NR3C2: variants seen among roughly 807,000 people sequenced by gnomAD.
NR3C2 encodes the protein nuclear receptor subfamily 3 group C member 2.
A neutral mutation model predicts 86.4 loss-of-function variants in NR3C2; 15 were observed. The observed-to-expected ratio is 0.17, with a 90% CI of 0.12 to 0.27. The LOEUF is 0.27. NR3C2 is among the 10% of genes least tolerant of loss of function. The pLI, the probability that NR3C2 is intolerant of heterozygous loss-of-function variation, is 1.00. For synonymous variants in NR3C2, 458 were observed against 450.5 expected, an observed-to-expected ratio of 1.02 and a Z score of -0.21; for missense variants, 960 against 1,195.6, an observed-to-expected ratio of 0.80 and a Z score of 2.91.
At chr4:148,424,710 GAA>G (rs199511090) in intron 2 of NR3C2, among the ~76,000 whole-genome samples, 44 of 139,466 alleles carry the variant, frequency 3.2e-4, no homozygotes, top group Non-Finnish European at 6.3e-4. Context: ...AGACAACATA[GAA>G]AAAAAAAAAA....
At chr4:148,212,281 G>T (rs190353988) in intron 3 of NR3C2, among the ~76,000 whole-genome samples, 1 of 152,346 alleles carries the variant, frequency 6.6e-6, no homozygotes, top group East Asian at 1.9e-4. Flanking sequence ...GTTGATATTT[G>T]CATGTCATTT....
chr4:148,097,741 G>GTTTTTTTT (rs1180902227), intron 8 of NR3C2, among the ~76,000 whole-genome samples: 9 of 107,500 alleles, frequency 8.4e-5, no homozygotes, highest in South Asian at 2.9e-4. Flanking sequence ...ACTTTTTTGC[G>GTTTTTTTT]TTTTTTTTTG....
At chr4:148,382,882 T>C (rs534971284) in intron 2 of NR3C2, among the ~76,000 whole-genome samples, 180 of 152,248 alleles carry the variant, frequency 1.2e-3, no homozygotes, top group African/African-American at 2.0e-3. Flanking sequence ...AATAAAGCAG[T>C]AGAATGGTAC....
intron 2 of NR3C2, among the ~76,000 whole-genome samples, chr4:148,277,637 G>A (rs56004737): frequency 6.6e-6 from 1 of 152,170 alleles, no homozygotes; most frequent in Non-Finnish European, 1.5e-5. Flanking sequence ...ACAAAAAATA[G>A]TATTAAATAA....
intron 3 of NR3C2, among the ~76,000 whole-genome samples, chr4:148,221,491 C>T (rs920318023): frequency 2.0e-5 from 3 of 152,288 alleles, no homozygotes; most frequent in African/African-American, 7.2e-5. Flanking sequence ...AATTGATGTA[C>T]GTTTATCTTC....
chr4:148,154,367 G>A (rs75013118), intron 5 of NR3C2, among the ~76,000 whole-genome samples, 184 bp downstream of exon 5: 3,739 of 152,192 alleles, frequency 0.025, 145 homozygotes, highest in African/African-American at 0.083. Context: ...CTGCATTCTC[G>A]GAAGAAATGA....
chr4:148,387,011 C>T (rs1483753576), intron 2 of NR3C2, among the ~76,000 whole-genome samples: 1 of 152,162 alleles, frequency 6.6e-6, no homozygotes, highest in African/African-American at 2.4e-5. Flanking sequence ...TGCAGAGCAA[C>T]ATTTCTCAGC....
chr4:148,439,545 G>A (rs1403949174), intron 1 of NR3C2, among the ~76,000 whole-genome samples: 1 of 152,126 alleles, frequency 6.6e-6, no homozygotes, highest in African/African-American at 2.4e-5. Flanking sequence ...ATAGTCAAGA[G>A]GGCTCTCTGT....
intron 2 of NR3C2, among the ~76,000 whole-genome samples, chr4:148,404,963 C>T (rs760630000): frequency 1.3e-5 from 2 of 152,120 alleles, no homozygotes; most frequent in Non-Finnish European, 1.5e-5. Context: ...TGGTTCCAAA[C>T]TCATGTATTA....
intron 2 of NR3C2, among the ~76,000 whole-genome samples, chr4:148,268,357 G>A (rs1272982419): frequency 2.0e-5 from 3 of 152,084 alleles, no homozygotes; most frequent in Non-Finnish European, 2.9e-5. Flanking sequence ...GCTGACAAAT[G>A]AATCATTTAT....
intron 2 of NR3C2, among the ~76,000 whole-genome samples, chr4:148,297,606 A>C (rs1461542641): frequency 6.6e-6 from 1 of 152,082 alleles, no homozygotes; most frequent in South Asian, 2.1e-4. Context: ...CTAAAACTAC[A>C]AAAGTAGACA....
At chr4:148,398,978 T>C (rs1487365171) in intron 2 of NR3C2, among the ~76,000 whole-genome samples, 1 of 152,222 alleles carries the variant, frequency 6.6e-6, no homozygotes, top group East Asian at 1.9e-4. Flanking sequence ...AAAGCAGTCA[T>C]AAAAACACTG....
At chr4:148,338,705 G>A (rs1462482800) in intron 2 of NR3C2, among the ~76,000 whole-genome samples, 1 of 152,126 alleles carries the variant, frequency 6.6e-6, no homozygotes, top group Non-Finnish European at 1.5e-5. Flanking sequence ...AGCCCCAAGA[G>A]GGTATCTTCT....
In NR3C2 at chr4:148,080,048, C is replaced by T. The variant is rs1730472189; in HGVS notation, c.*1296G>A. 1 of 152,216 alleles carries T rather than the reference C, an allele frequency of 6.6e-6. No homozygotes were observed. The highest frequency in any genetic ancestry group is 2.4e-5 in the African/African-American group (1 of 41,456). 9.4% of individuals were successfully genotyped at this position (152,216 alleles called of 1,614,324 possible). A position where few individuals can be genotyped will look rare whatever the true frequency, so the allele number is the denominator to read the frequency against. ...CTCTGAGCCATCAAGTTCCCAGTCT[C>T]ACTCTCGTAGAGCTGGTTCTGCTTC... On this transcript the variant is annotated 3_prime_UTR_variant, in exon 9 of 9. Coordinates refer to ENST00000358102, the MANE Select transcript of NR3C2 (RefSeq NM_000901.5).
intron 8 of NR3C2, among the ~76,000 whole-genome samples, 183 bp downstream of exon 8, chr4:148,113,921 C>T (rs540615938): frequency 6.6e-6 from 1 of 152,268 alleles, no homozygotes; most frequent in African/African-American, 2.4e-5. Flanking sequence ...CCAATAAACC[C>T]TATGTCTCAT....
intron 2 of NR3C2, among the ~76,000 whole-genome samples, chr4:148,383,861 T>C (rs1220455344): frequency 3.3e-5 from 5 of 151,452 alleles, no homozygotes; most frequent in Non-Finnish European, 5.9e-5. Context: ...GGCAGGAGAA[T>C]TGCTTGAATC....
intron 4 of NR3C2, among the ~76,000 whole-genome samples, chr4:148,160,172 T>C (rs1004710883): frequency 6.6e-6 from 1 of 152,194 alleles, no homozygotes; most frequent in African/African-American, 2.4e-5. Flanking sequence ...GCAGCCACTC[T>C]TTCCTGGCAC....
At chr4:148,146,311 C>T (rs1436375915) in intron 6 of NR3C2, among the ~76,000 whole-genome samples, 1 of 152,172 alleles carries the variant, frequency 6.6e-6, no homozygotes, top group Non-Finnish European at 1.5e-5. Context: ...GCTCGCCATA[C>T]CTCCAACCAC....
chr4:148,275,353 C>T (rs553725908), intron 2 of NR3C2, among the ~76,000 whole-genome samples: 1 of 151,420 alleles, frequency 6.6e-6, no homozygotes, highest in African/African-American at 2.4e-5. Flanking sequence ...CTTTTATTTC[C>T]AAAATATAAA....
Sources: allele counts gnomAD v4.1 joint callset (sites outside exome capture counted in the v4.1 genomes callset), GRCh38; gene constraint gnomAD v4.1.1; transcripts MANE v1.5; gene names NCBI Gene and HGNC (gene_info 2026-07-23, HGNC 2026-07-21).